The following CAMKK2 variants were observed in gnomAD, a reference collection of about 807,000 sequenced individuals.
The protein encoded by CAMKK2 is calcium/calmodulin dependent protein kinase kinase 2, also known as calcium/calmodulin-dependent protein kinase kinase 2.
CAMKK2 carries 30 observed loss-of-function variants against 67.2 expected under a neutral mutation model. The observed-to-expected ratio is 0.45, with a 90% confidence interval of 0.33 to 0.61. The LOEUF is 0.61. Ranked by LOEUF, CAMKK2 falls within the 20% of genes least tolerant of loss-of-function variation. The probability of loss-of-function intolerance (pLI) is 0.02; values close to 1 mark genes in which losing one functional copy is unlikely to be tolerated. For missense variants in CAMKK2, 643 were observed against 802.0 expected (o/e 0.80, Z 2.39); for synonymous variants, 322 against 326.2 (o/e 0.99, Z 0.14).
intron 1 of CAMKK2, among the ~76,000 whole-genome samples, chr12:121,277,531 G>C (rs1897032930): frequency 6.6e-6 from 1 of 152,150 alleles, no homozygotes; most frequent in South Asian, 2.1e-4. Context: ...CCATACAACA[G>C]AATACTATAC....
Position 121,240,754 on chromosome 12 carries a change from C to G in CAMKK2, c.1712G>C (p.Gly571Ala). The G allele has an allele frequency of 6.2e-7, 1 of 1,608,942 alleles. No homozygotes were observed. The highest frequency in any genetic ancestry group is 8.5e-7 in the Non-Finnish European group (1 of 1,178,920). ...CVESCWAPAP[G>A]SPARMHPLRP... ...CAGTGGATGCATGCGTGCGGGGGAGCCGGGGGCGGGGGCCCAGCAACTTTC... is the reference window on the plus strand; with the variant it reads ...CAGTGGATGCATGCGTGCGGGGGAGGCGGGGGCGGGGGCCCAGCAACTTTC... Residue 571 changes from glycine (G) to alanine (A), a missense_variant, in exon 17 of 17, where the codon GGC becomes GCC. Physicochemically the swap from Gly to Ala is moderately conservative, Grantham distance 60. Transcript: ENST00000404169. This position sits in a 1 kb window ranked among gnomAD's most constrained non-coding sequence, Gnocchi z 4.4.
chr12:121,276,877 T>G (rs1896909246), intron 1 of CAMKK2, among the ~76,000 whole-genome samples: 1 of 104,576 alleles, frequency 9.6e-6, no homozygotes, highest in Non-Finnish European at 1.7e-5. Context: ...AGAGGGAGAC[T>G]CCATCTCAAA....
intron 16 of CAMKK2, among the ~76,000 whole-genome samples, chr12:121,241,791 A>C (rs1888437774): frequency 6.6e-6 from 1 of 152,152 alleles, no homozygotes; most frequent in Non-Finnish European, 1.5e-5. Flanking sequence ...CTGTAACTAG[A>C]CGTTAGGTCA....
chr12:121,240,441 T>C lies in CAMKK2; in HGVS notation c.*258A>G, dbSNP rs200630900. 4.9e-4 allele frequency: 746 copies of C among 1,525,496 alleles called. No homozygotes were observed. The highest frequency in any genetic ancestry group is 6.0e-4 in the Non-Finnish European group (684 of 1,144,034). The allele number at this position is 1,525,496 out of a possible 1,614,324, so 94.5% of individuals were successfully genotyped here. A position where few individuals can be genotyped will look rare whatever the true frequency, so the allele number is the denominator to read the frequency against. On this transcript the variant is annotated 3_prime_UTR_variant, in exon 17 of 17. Coordinates refer to ENST00000404169, the MANE Select transcript of CAMKK2 (RefSeq NM_001270485.2). This position sits in a 1 kb window ranked among gnomAD's most constrained non-coding sequence, Gnocchi z 4.4. Reference sequence around the variant, plus strand: ...GTTTTAAAAAGCAATTGTCCCAAAATGCACGTGGGTTTGGGTCTGCAACTC... The same window carrying C: ...GTTTTAAAAAGCAATTGTCCCAAAACGCACGTGGGTTTGGGTCTGCAACTC...
At chr12:121,275,674 A>C (rs1017902212) in intron 1 of CAMKK2, among the ~76,000 whole-genome samples, 1 of 152,050 alleles carries the variant, frequency 6.6e-6, no homozygotes, top group Non-Finnish European at 1.5e-5. Context: ...ATGGTTGCCT[A>C]GGACTATGGG....
At chr12:121,287,572 T>A (rs1899006393) in intron 1 of CAMKK2, among the ~76,000 whole-genome samples, 1 of 152,188 alleles carries the variant, frequency 6.6e-6, no homozygotes, top group Non-Finnish European at 1.5e-5. Context: ...GTCTTGCTGC[T>A]TGCCAGGGCC....
At position 121,262,525 on chromosome 12, in the gene CAMKK2, T is replaced by G. The variant is rs567467905; in HGVS notation, c.759+1281A>C. Among the ~76,000 whole-genome samples, 13 of 150,802 alleles carry G rather than the reference T, an allele frequency of 8.6e-5. No homozygotes were observed. The East Asian group carries it at 2.6e-3, about 30-fold the overall frequency. On this transcript the variant is annotated intron_variant, in intron 6 of 16. Coordinates refer to ENST00000404169, the MANE Select transcript of CAMKK2 (RefSeq NM_001270485.2). ...AGACTCCGTCTCAAAAAAAAAAAAA[T>G]GTATTACTCATGTTAATACGCAATA... is the stretch of plus-strand genomic sequence containing the variant.
chr12:121,240,208 C>T lies in CAMKK2; in HGVS notation c.*491G>A, dbSNP rs200086514. On this transcript the variant is annotated 3_prime_UTR_variant, in exon 17 of 17. Transcript: ENST00000404169. The surrounding 1 kb of genome is among the most constrained non-coding windows in gnomAD (Gnocchi z 4.4). ...GCCCTGCTCTGACTCCTTGAGACCACGGCTCTGGAAGGTGCCATGGTTTCC... is the reference window on the plus strand; with the variant it reads ...GCCCTGCTCTGACTCCTTGAGACCATGGCTCTGGAAGGTGCCATGGTTTCC... 7.0e-5 allele frequency: 40 copies of T among 568,842 alleles called. No homozygotes were observed. Among genetic ancestry groups the T allele is most frequent in the Middle Eastern group, 4.6e-4 (1 of 2,158 alleles). The allele number at this position is 568,842 out of a possible 1,614,324, so 35.2% of individuals were successfully genotyped here. A position where few individuals can be genotyped will look rare whatever the true frequency, so the allele number is the denominator to read the frequency against.
At chr12:121,251,826 C>CAAA (rs35539013) in intron 11 of CAMKK2, among the ~76,000 whole-genome samples, 26 of 85,684 alleles carry the variant, frequency 3.0e-4, no homozygotes, top group East Asian at 1.8e-3. Context: ...GACTCCATCT[C>CAAA]AAAAAAAAAA....
At chr12:121,281,063 C>G (rs1047487952) in intron 1 of CAMKK2, among the ~76,000 whole-genome samples, 1 of 152,202 alleles carries the variant, frequency 6.6e-6, no homozygotes, top group Non-Finnish European at 1.5e-5. Flanking sequence ...CATCACGGAA[C>G]CTACCGACAT....
At chr12:121,289,042 G>T (rs566527813) in intron 1 of CAMKK2, among the ~76,000 whole-genome samples, 3 of 151,834 alleles carry the variant, frequency 2.0e-5, no homozygotes, top group Non-Finnish European at 2.9e-5. Context: ...GTTCCCCAGG[G>T]TATAGCCTGT....
At chr12:121,259,287 C>CG in intron 7 of CAMKK2, among the ~76,000 whole-genome samples, 1 of 152,292 alleles carries the variant, frequency 6.6e-6, no homozygotes, top group East Asian at 1.9e-4. Flanking sequence ...GTGTCCTGCT[C>CG]GGGGTTTTTG....
At chr12:121,260,167 G>A in intron 7 of CAMKK2, 152 bp downstream of exon 7, 2 of 632,820 alleles carry the variant, frequency 3.2e-6, no homozygotes, top group Non-Finnish European at 5.5e-6. Flanking sequence ...ATCCCAACCA[G>A]GGGTGTGGCC....
In CAMKK2 at chr12:121,296,299, T is replaced by C. The variant is rs1284354542; in HGVS notation, c.-60+339A>G. Among the ~76,000 whole-genome samples the C allele has an allele frequency of 1.3e-5, 2 of 152,064 alleles. No individual in the cohort carries two copies. The highest frequency in any genetic ancestry group is 2.9e-5 in the Non-Finnish European group (2 of 67,992). On this transcript the variant is annotated intron_variant, in intron 1 of 16. Coordinates refer to ENST00000404169, the MANE Select transcript of CAMKK2 (RefSeq NM_001270485.2). The surrounding 1 kb of genome is among the most constrained non-coding windows in gnomAD (Gnocchi z 7.1). The stretch of plus-strand genomic sequence containing the variant: ...CGCGAGGGGCTGGGCCTAGGCCGCC[T>C]CCACGAACCCTGACGGACCCGGCCC...
chr12:121,282,755 T>TTTTCG (rs1898028602), intron 1 of CAMKK2, among the ~76,000 whole-genome samples: 2 of 120,862 alleles, frequency 1.7e-5, no homozygotes, highest in South Asian at 5.4e-4. Flanking sequence ...CTTTTTTTTC[T>TTTTCG]TTTCTTTTCT....
intron 7 of CAMKK2, among the ~76,000 whole-genome samples, chr12:121,260,034 G>A (rs2567984): frequency 0.72 from 109,447 of 152,226 alleles, 40,775 homozygotes; most frequent in African/African-American, 0.93. Context: ...GTGAGCTGTG[G>A]TCACACCACT....
chr12:121,292,460 G>A (rs1231792571), intron 1 of CAMKK2, among the ~76,000 whole-genome samples: 3 of 152,010 alleles, frequency 2.0e-5, no homozygotes, highest in Admixed American at 6.6e-5. Flanking sequence ...AAGCCCTTAC[G>A]AATCTCTACT....
chr12:121,281,047 G>A (rs1038995664), intron 1 of CAMKK2, among the ~76,000 whole-genome samples: 1 of 151,482 alleles, frequency 6.6e-6, no homozygotes, highest in African/African-American at 2.4e-5. Flanking sequence ...TTTGTGGCTT[G>A]TGGGGCATCA....
rs201012878 is a variant in CAMKK2 at position 121,253,483 on chromosome 12, G to A, written c.908-11C>T. 9.3e-6 allele frequency: 15 copies of A among 1,613,150 alleles called. No homozygotes were observed. The highest frequency in any genetic ancestry group is 3.3e-5 in the South Asian group (3 of 91,070). On this transcript the variant is annotated splice_polypyrimidine_tract_variant and intron_variant, in intron 9 of 16. Transcript: ENST00000404169. The surrounding 1 kb of genome is among the most constrained non-coding windows in gnomAD (Gnocchi z 5.0). Reference sequence around the variant, plus strand: ...TCTTCTGGTAGTGTACTGGGGAGGCGTAGACAGCAGGTGGGAGATAGGGGC... The same window carrying A: ...TCTTCTGGTAGTGTACTGGGGAGGCATAGACAGCAGGTGGGAGATAGGGGC...
Sources: gnomAD v4.1 joint callset for allele counts (sites outside exome capture counted in the v4.1 genomes callset) on GRCh38, gnomAD v4.1.1 for gene constraint, Gnocchi (gnomAD v3.1) non-coding constraint, MANE v1.5 for transcripts, NCBI Gene and HGNC (gene_info 2026-07-23, HGNC 2026-07-21) for gene names.